The following DNLZ variants were observed in gnomAD, a reference collection of about 807,000 sequenced individuals.
DNLZ encodes the protein DNL-type zinc finger protein.
In DNLZ, 15 loss-of-function variants were observed where a neutral mutation model predicts 7.8. The observed-to-expected ratio is 1.91, with a 90% confidence interval of 1.28 to 2.95. DNLZ has a LOEUF of 2.95. DNLZ is among the 30% of genes most tolerant of loss of function. DNLZ has a pLI of 0.00. For synonymous variants in DNLZ, 123 were observed against 77.8 expected (o/e 1.58, Z -3.05); for missense variants, 255 against 167.3 (o/e 1.52, Z -2.89).
Position 136,363,607 on chromosome 9 carries a change from C to CT in DNLZ, c.107_108insA (p.Arg38GlufsTer44). 1 of 566,322 alleles carries CT rather than the reference C, an allele frequency of 1.8e-6. No homozygotes were observed. Among genetic ancestry groups the CT allele is most frequent in the Non-Finnish European group, 3.1e-6 (1 of 319,282 alleles). The allele number at this position is 566,322 out of a possible 1,614,324, so 35.1% of individuals were successfully genotyped here. ...CCCAGGCCCAGGCCCGCCGCCTCCC[C>CT]GCGACCTCTGGACGGGCCCCGCGGC... is the stretch of plus-strand genomic sequence containing the variant. On this transcript the variant is annotated frameshift_variant, in exon 1 of 3. Coordinates refer to ENST00000371738, the MANE Select transcript of DNLZ (RefSeq NM_001080849.3). LOFTEE classifies it high-confidence loss of function.
Position 136,362,089 on chromosome 9 carries a change from C to A in DNLZ, c.460G>T (p.Ala154Ser), listed in dbSNP as rs3812554. ...ALELVLEAAG[A>S]PTSTAAPEAG... ...TCCGGAGCTGCAGTGGATGTGGGGG[C>A]CCCTGCAGCCTCCAGAACCAGTTCC... The change falls in exon 3 of 3, where the codon GCC (alanine) becomes TCC (serine). Residue 154 changes from alanine to serine, a missense_variant. Physicochemically the swap from Ala to Ser is moderately conservative, Grantham distance 99. Coordinates refer to ENST00000371738, the MANE Select transcript of DNLZ (RefSeq NM_001080849.3). 3 of 1,464,452 alleles carry A rather than the reference C, an allele frequency of 2.0e-6. No individual in the cohort carries two copies. Among genetic ancestry groups the A allele is most frequent in the Admixed American group, 5.4e-5 (2 of 37,264 alleles). 90.7% of individuals were successfully genotyped at this position (1,464,452 alleles called of 1,614,324 possible). A position where few individuals can be genotyped will look rare whatever the true frequency, so the allele number is the denominator to read the frequency against.
At chr9:136,362,437 C>T (rs532645773) in intron 2 of DNLZ, among the ~76,000 whole-genome samples, 29 of 152,336 alleles carry the variant, frequency 1.9e-4, no homozygotes, top group Admixed American at 1.2e-3. Context: ...TCTGCAGCCC[C>T]GGGTCTGATG....
rs774630771 is a variant in DNLZ, at chr9:136,362,143, C to G, written c.406G>C (p.Val136Leu). 1.3e-6 allele frequency: 2 copies of G among 1,503,244 alleles called. No homozygotes were observed. The highest frequency in any genetic ancestry group is 1.8e-6 in the Non-Finnish European group (2 of 1,130,678). The allele number at this position is 1,503,244 out of a possible 1,614,324, so 93.1% of individuals were successfully genotyped here. A position where few individuals can be genotyped will look rare whatever the true frequency, so the allele number is the denominator to read the frequency against. ...EEILTARGEQVHRVAGEGALE... is the reference protein window; with the variant it reads ...EEILTARGEQLHRVAGEGALE... ...GCCCCCTCGCCCGCCACACGGTGCA[C>G]CTGCTCGCCTCTGGCCGTCAGGATC... Residue 136 changes from valine (V) to leucine (L), a missense_variant, in exon 3 of 3, where the codon GTG becomes CTG. Transcript: ENST00000371738.
At position 136,361,614 on chromosome 9, in the gene DNLZ, G is replaced by A. The variant is rs906960322; in HGVS notation, c.*398C>T. 15 of 172,858 alleles carry A rather than the reference G, an allele frequency of 8.7e-5. No homozygotes were observed. In the East Asian group the frequency reaches 2.0e-3, roughly 23 times the overall value. 10.7% of individuals were successfully genotyped at this position (172,858 alleles called of 1,614,324 possible). A position where few individuals can be genotyped will look rare whatever the true frequency, so the allele number is the denominator to read the frequency against. On this transcript the variant is annotated 3_prime_UTR_variant, in exon 3 of 3. Coordinates refer to ENST00000371738, the MANE Select transcript of DNLZ (RefSeq NM_001080849.3). ...CACGGAAGGGAGGCCGCCAGAGCTG[G>A]CCAGGGGGGCGGCAAGGGCCTTGCA...
chr9:136,363,446 G>A (rs1833022676), intron 1 of DNLZ, 41 bp downstream of exon 1: 4 of 762,320 alleles, frequency 5.2e-6, no homozygotes, highest in African/African-American at 3.4e-5. Context: ...TGTAGCGTCA[G>A]ATACGGGTCT....
intron 1 of DNLZ, 114 bp from the exon 2 acceptor site, chr9:136,363,242 C>T: frequency 7.8e-7 from 1 of 1,280,400 alleles, no homozygotes; most frequent in Non-Finnish European, 1.1e-6. Flanking sequence ...GAAGGCCCCG[C>T]CCCCGAGGGA....
rs368154373 is a variant in DNLZ, at chr9:136,362,015, G to A, written c.534C>T (p.Ser178=). The A allele has an allele frequency of 1.7e-4, 217 of 1,313,978 alleles. No individual in the cohort carries two copies. The highest frequency in any genetic ancestry group is 2.0e-4 in the Non-Finnish European group (209 of 1,022,374). 81.4% of individuals were successfully genotyped at this position (1,313,978 alleles called of 1,614,324 possible). Residue 178 remains serine (S), a synonymous_variant, in exon 3 of 3, where the codon AGC becomes AGT. Transcript: ENST00000371738. The part of the protein sequence containing the change: ...GPPSPGKTEP[S] ...ACAGTGCCGGGGAGCGCAGGAGTCA[G>A]CTCGGCTCCGTCTTGCCAGGGCTGG...
In DNLZ at chr9:136,361,875, G is replaced by C. The variant is rs1398342099; in HGVS notation, c.*137C>G. 8.1e-6 allele frequency: 5 copies of C among 616,472 alleles called. No individual in the cohort carries two copies. In the East Asian group the frequency reaches 1.4e-4, roughly 17 times the overall value. The allele number at this position is 616,472 out of a possible 1,614,324, so 38.2% of individuals were successfully genotyped here. A position where few individuals can be genotyped will look rare whatever the true frequency, so the allele number is the denominator to read the frequency against. On this transcript the variant is annotated 3_prime_UTR_variant, in exon 3 of 3. Transcript: ENST00000371738. Reference sequence around the variant, plus strand: ...ATCGTTCTAACTCCAGAAAAAGAAAGGCCACGAGGGCCACAGGCCCCAGCA... The same window carrying C: ...ATCGTTCTAACTCCAGAAAAAGAAACGCCACGAGGGCCACAGGCCCCAGCA...
chr9:136,363,659 CG>C lies in DNLZ; in HGVS notation c.55del (p.Arg19GlyfsTer5), dbSNP rs1364127554. On this transcript the variant is annotated frameshift_variant, in exon 1 of 3. Transcript: ENST00000371738. LOFTEE classifies it high-confidence loss of function. ...APRLLSRVQP[R>X]APCLRRLWGR... The stretch of plus-strand genomic sequence containing the variant: ...CCACAGCCGCCTCAGGCAGGGCGCC[CG>C]GGGCTGCACGCGACTCAGCAACCTC... The C allele has an allele frequency of 7.0e-6, 3 of 427,082 alleles. No homozygotes were observed. Among genetic ancestry groups the C allele is most frequent in the Non-Finnish European group, 8.2e-6 (2 of 244,520 alleles). The allele number at this position is 427,082 out of a possible 1,614,324, so 26.5% of individuals were successfully genotyped here. A position where few individuals can be genotyped will look rare whatever the true frequency, so the allele number is the denominator to read the frequency against.
In DNLZ at chr9:136,360,244, T is replaced by G. The variant is rs1832958424; in HGVS notation, c.*1768A>C. 6.6e-6 allele frequency: 1 copy of G among 152,278 alleles called. No individual in the cohort carries two copies. Among genetic ancestry groups the G allele is most frequent in the Non-Finnish European group, 1.5e-5 (1 of 68,124 alleles). 9.4% of individuals were successfully genotyped at this position (152,278 alleles called of 1,614,324 possible). A position where few individuals can be genotyped will look rare whatever the true frequency, so the allele number is the denominator to read the frequency against. On this transcript the variant is annotated 3_prime_UTR_variant, in exon 3 of 3. Coordinates refer to ENST00000371738, the MANE Select transcript of DNLZ (RefSeq NM_001080849.3). ...CTTGGGAACCAGAATCAACGTGTAC[T>G]CCAGGTCCAGGGTCCCAGCCAGCTT...
At position 136,359,507 on chromosome 9, in the gene DNLZ, C is replaced by T. The variant is rs1354840943; in HGVS notation, c.*2505G>A. On this transcript the variant is annotated 3_prime_UTR_variant, in exon 3 of 3. Coordinates refer to ENST00000371738, the MANE Select transcript of DNLZ (RefSeq NM_001080849.3). ...CTTGAATGTATGTGCGTATTTATTGCTCACGTCTGTGCCATGTTGTCAATG... is the reference window on the plus strand; with the variant it reads ...CTTGAATGTATGTGCGTATTTATTGTTCACGTCTGTGCCATGTTGTCAATG... The T allele has an allele frequency of 2.0e-5, 3 of 152,340 alleles. No individual in the cohort carries two copies. The highest frequency in any genetic ancestry group is 2.9e-5 in the Non-Finnish European group (2 of 68,024). 9.4% of individuals were successfully genotyped at this position (152,340 alleles called of 1,614,324 possible).
chr9:136,362,920 A>G (rs1042198979), intron 2 of DNLZ, 69 bp downstream of exon 2: 19 of 1,487,764 alleles, frequency 1.3e-5, no homozygotes, highest in Non-Finnish European at 1.7e-5. Context: ...CACTAGGGCA[A>G]GGTTCCCCCA....
chr9:136,361,895 C>T lies in DNLZ; in HGVS notation c.*117G>A, dbSNP rs1832986109. On this transcript the variant is annotated 3_prime_UTR_variant, in exon 3 of 3. Coordinates refer to ENST00000371738, the MANE Select transcript of DNLZ (RefSeq NM_001080849.3). ...AGAAAGGCCACGAGGGCCACAGGCC[C>T]CAGCATCTGGAAGTAATGTCTGTTT... 2 of 786,136 alleles carry T rather than the reference C, an allele frequency of 2.5e-6. No individual in the cohort carries two copies. The highest frequency in any genetic ancestry group is 3.3e-5 in the East Asian group (1 of 29,854). 48.7% of individuals were successfully genotyped at this position (786,136 alleles called of 1,614,324 possible). A position where few individuals can be genotyped will look rare whatever the true frequency, so the allele number is the denominator to read the frequency against.
Position 136,361,781 on chromosome 9 carries a change from G to C in DNLZ, c.*231C>G, listed in dbSNP as rs987236520. 1 of 391,818 alleles carries C rather than the reference G, an allele frequency of 2.6e-6. No homozygotes were observed. The highest frequency in any genetic ancestry group is 4.5e-6 in the Non-Finnish European group (1 of 222,596). The allele number at this position is 391,818 out of a possible 1,614,324, so 24.3% of individuals were successfully genotyped here. A position where few individuals can be genotyped will look rare whatever the true frequency, so the allele number is the denominator to read the frequency against. Reference sequence around the variant, plus strand: ...AAGAGCTGGGTGACTCTGTGTAGAAGGAACTGTGGTGAGGCGAGAGGTCCT... The same window carrying C: ...AAGAGCTGGGTGACTCTGTGTAGAACGAACTGTGGTGAGGCGAGAGGTCCT... On this transcript the variant is annotated 3_prime_UTR_variant, in exon 3 of 3. Coordinates refer to ENST00000371738, the MANE Select transcript of DNLZ (RefSeq NM_001080849.3).
chr9:136,362,193 G>T lies in DNLZ; in HGVS notation c.369-13C>A. On this transcript the variant is annotated splice_polypyrimidine_tract_variant and intron_variant, in intron 2 of 2. Transcript: ENST00000371738. ...CTCTTCGATATTTCTGGGGGGCAGGGAGGCAACATGGCTCTTCAGGGCCCC... is the reference window on the plus strand; with the variant it reads ...CTCTTCGATATTTCTGGGGGGCAGGTAGGCAACATGGCTCTTCAGGGCCCC... 6 of 1,477,024 alleles carry T rather than the reference G, an allele frequency of 4.1e-6. No homozygotes were observed. Among genetic ancestry groups the T allele is most frequent in the Non-Finnish European group, 4.5e-6 (5 of 1,116,384 alleles). The allele number at this position is 1,477,024 out of a possible 1,614,324, so 91.5% of individuals were successfully genotyped here.
In DNLZ at chr9:136,363,743, C is replaced by CCGGCCCCGCCCCGCCG. The variant is rs1180028992; in HGVS notation, c.-30_-29insCGGCGGGGCGGGGCCG. On this transcript the variant is annotated 5_prime_UTR_variant, in exon 1 of 3. Coordinates refer to ENST00000371738, the MANE Select transcript of DNLZ (RefSeq NM_001080849.3). ...GCTCGCCGGCTCCGTCCGCCCTGCC[C>CCGGCCCCGCCCCGCCG]CGGCCCCGCCCCGCCGCCATCTTGG... 2.9e-5 allele frequency: 14 copies of CCGGCCCCGCCCCGCCG among 484,026 alleles called. No homozygotes were observed. Among genetic ancestry groups the CCGGCCCCGCCCCGCCG allele is most frequent in the Non-Finnish European group, 5.0e-5 (14 of 280,202 alleles). 30.0% of individuals were successfully genotyped at this position (484,026 alleles called of 1,614,324 possible).
At position 136,361,912 on chromosome 9, in the gene DNLZ, T is replaced by TG. The variant is rs534380779; in HGVS notation, c.*99dup. ...CACAGGCCCCAGCATCTGGAAGTAA[T>TG]GTCTGTTTATTGATAGAAAACAGGC... On this transcript the variant is annotated 3_prime_UTR_variant, in exon 3 of 3. Coordinates refer to ENST00000371738, the MANE Select transcript of DNLZ (RefSeq NM_001080849.3). The TG allele has an allele frequency of 2.2e-5, 20 of 901,978 alleles. No homozygotes were observed. Among genetic ancestry groups the TG allele is most frequent in the Non-Finnish European group, 2.9e-5 (20 of 682,158 alleles). 55.9% of individuals were successfully genotyped at this position (901,978 alleles called of 1,614,324 possible). A position where few individuals can be genotyped will look rare whatever the true frequency, so the allele number is the denominator to read the frequency against.
Position 136,361,458 on chromosome 9 carries a change from G to A in DNLZ, c.*554C>T, listed in dbSNP as rs1832978814. Reference sequence around the variant, plus strand: ...GGAGGCCCAGGTGGCTCCCCCGGGAGGGGTCTGGAGCTCCTAACACACGGC... The same window carrying A: ...GGAGGCCCAGGTGGCTCCCCCGGGAAGGGTCTGGAGCTCCTAACACACGGC... On this transcript the variant is annotated 3_prime_UTR_variant, in exon 3 of 3. Coordinates refer to ENST00000371738, the MANE Select transcript of DNLZ (RefSeq NM_001080849.3). 6.6e-6 allele frequency: 1 copy of A among 152,344 alleles called. No individual in the cohort carries two copies. The highest frequency in any genetic ancestry group is 1.5e-5 in the Non-Finnish European group (1 of 68,116). 9.4% of individuals were successfully genotyped at this position (152,344 alleles called of 1,614,324 possible). A position where few individuals can be genotyped will look rare whatever the true frequency, so the allele number is the denominator to read the frequency against.
In DNLZ at chr9:136,363,147, C is replaced by T. The variant is rs896058345; in HGVS notation, c.229-19G>A. ...CGCAGACCTGGCTGGGACAGGGTAGCTGGTGAGGCTGTGAGGGCCGCCACG... is the reference window on the plus strand; with the variant it reads ...CGCAGACCTGGCTGGGACAGGGTAGTTGGTGAGGCTGTGAGGGCCGCCACG... On this transcript the variant is annotated intron_variant, in intron 1 of 2. Transcript: ENST00000371738. The T allele has an allele frequency of 1.2e-6, 2 of 1,611,536 alleles. No individual in the cohort carries two copies. Among genetic ancestry groups the T allele is most frequent in the Non-Finnish European group, 1.7e-6 (2 of 1,178,980 alleles).
Sources: gnomAD v4.1 joint callset for allele counts (sites outside exome capture counted in the v4.1 genomes callset) on GRCh38, gnomAD v4.1.1 for gene constraint, MANE v1.5 for transcripts, NCBI Gene and HGNC (gene_info 2026-07-23, HGNC 2026-07-21) for gene names.